Variants in SLC6A20 observed in about 807,000 individuals in gnomAD.
The protein encoded by SLC6A20 is solute carrier family 6 member 20, also known as sodium- and chloride-dependent transporter XTRP3.
A neutral mutation model predicts 64.3 loss-of-function variants in SLC6A20; 73 were observed. The ratio of observed to expected loss-of-function variants is 1.14; its 90% CI spans 0.94 to 1.38. The LOEUF (loss-of-function observed/expected upper bound fraction) is 1.38. Ranked by LOEUF, SLC6A20 falls within the 40% of genes most tolerant of loss-of-function variation. The pLI, the probability that SLC6A20 is intolerant of heterozygous loss-of-function variation, is 0.00. For missense variants in SLC6A20, 725 were observed against 772.8 expected, an observed-to-expected ratio of 0.94 and a Z score of 0.73; for synonymous variants, 347 against 329.6, an observed-to-expected ratio of 1.05 and a Z score of -0.57.
At chr3:45,767,100 G>C (rs180824450) in intron 7 of SLC6A20, among the ~76,000 whole-genome samples, 2 of 152,322 alleles carry the variant, frequency 1.3e-5, no homozygotes, top group Admixed American at 1.3e-4. Flanking sequence ...TTGCTCAGGG[G>C]CATACTGAAA....
chr3:45,782,255 C>A (rs191111675), intron 1 of SLC6A20, 32 bp from the exon 2 acceptor site: 4 of 1,594,082 alleles, frequency 2.5e-6, no homozygotes, highest in Admixed American at 1.7e-5. Flanking sequence ...AGCCAGGCCA[C>A]CACCAAAAGG....
chr3:45,780,210 G>C, intron 2 of SLC6A20, 110 bp from the exon 3 acceptor site: 1 of 930,860 alleles, frequency 1.1e-6, no homozygotes, highest in Non-Finnish European at 1.6e-6. Context: ...CGGGGTGGGC[G>C]AGGCCTCCCT....
rs150976337 is a variant in SLC6A20 at position 45,792,211 on chromosome 3, G to A, written c.121+4088C>T. 4.2e-3 allele frequency among the ~76,000 whole-genome samples: 642 copies of A among 152,248 alleles called. 5 individuals carry two copies. The highest frequency in any genetic ancestry group is 0.014 in the African/African-American group (587 of 41,540). On this transcript the variant is annotated intron_variant, in intron 1 of 10. Coordinates refer to ENST00000358525, the MANE Select transcript of SLC6A20 (RefSeq NM_020208.4). ...ACAGGAAGAAGTACCCTGAGCCACG[G>A]CAATTCTTATTTGGGGGTCCTAGAA...
chr3:45,766,004 C>T (rs140154258), intron 7 of SLC6A20, among the ~76,000 whole-genome samples: 6 of 152,328 alleles, frequency 3.9e-5, no homozygotes, highest in South Asian at 4.1e-4. Context: ...CCCCAACTTA[C>T]GTACATTCTG....
intron 3 of SLC6A20, among the ~76,000 whole-genome samples, chr3:45,776,286 A>G (rs1391085496): frequency 6.6e-6 from 1 of 152,052 alleles, no homozygotes; most frequent in Non-Finnish European, 1.5e-5. Context: ...CAAATGGACC[A>G]CAGCCAGGCC....
chr3:45,767,139 G>A (rs1699791009), intron 7 of SLC6A20, among the ~76,000 whole-genome samples: 1 of 152,140 alleles, frequency 6.6e-6, no homozygotes, highest in Non-Finnish European at 1.5e-5. Flanking sequence ...TGACAACAAG[G>A]GAGTGATCAC....
In SLC6A20 at chr3:45,758,745, T is replaced by G; in HGVS notation, c.*233A>C. ...CAGTTATCTTTGAGACCGGCTTTCA[T>G]AGCCCACCCCCTTCCATGATGAGGA... is the stretch of plus-strand genomic sequence containing the variant. On this transcript the variant is annotated 3_prime_UTR_variant, in exon 11 of 11. Coordinates refer to ENST00000358525, the MANE Select transcript of SLC6A20 (RefSeq NM_020208.4). 7.7e-7 allele frequency: 1 copy of G among 1,301,652 alleles called. No individual in the cohort carries two copies. Among genetic ancestry groups the G allele is most frequent in the South Asian group, 2.4e-5 (1 of 41,022 alleles). 80.6% of individuals were successfully genotyped at this position (1,301,652 alleles called of 1,614,324 possible).
In SLC6A20 at chr3:45,758,824, G is replaced by C; in HGVS notation, c.*154C>G. The stretch of plus-strand genomic sequence containing the variant: ...CGGGAGGGTGTGCGTTCTCCCAAGG[G>C]AGTTTTCTTCCTGCACACCTTCCTC... On this transcript the variant is annotated 3_prime_UTR_variant, in exon 11 of 11. Coordinates refer to ENST00000358525, the MANE Select transcript of SLC6A20 (RefSeq NM_020208.4). The C allele has an allele frequency of 1.5e-6, 2 of 1,367,232 alleles. No individual in the cohort carries two copies. Among genetic ancestry groups the C allele is most frequent in the Non-Finnish European group, 1.9e-6 (2 of 1,057,622 alleles). The allele number at this position is 1,367,232 out of a possible 1,614,324, so 84.7% of individuals were successfully genotyped here.
In SLC6A20 at chr3:45,762,999, T is replaced by A; in HGVS notation, c.1377A>T (p.Ile459=). The A allele has an allele frequency of 3.1e-6, 5 of 1,614,116 alleles. No homozygotes were observed. The highest frequency in any genetic ancestry group is 4.2e-6 in the Non-Finnish European group (5 of 1,180,018). Residue 459 remains isoleucine, a synonymous_variant, in exon 9 of 11, where the codon ATA becomes ATT. Coordinates refer to ENST00000358525, the MANE Select transcript of SLC6A20 (RefSeq NM_020208.4). ...TMEAGNYWFD[I]FNDYAATLSL... ...ACAGTGTGGCCGCGTAGTCGTTGAA[T>A]ATGTCAAACCAGTAGTTCCCAGCCT...
Position 45,756,383 on chromosome 3 carries a change from A to C in SLC6A20, c.*2595T>G, listed in dbSNP as rs956341306. On this transcript the variant is annotated 3_prime_UTR_variant, in exon 11 of 11. Coordinates refer to ENST00000358525, the MANE Select transcript of SLC6A20 (RefSeq NM_020208.4). ...TGCCGGCTCTTCAAGCCTTGACAGC[A>C]GGTTTTTTGACATAAAAGAACCTTC... 1.3e-5 allele frequency: 2 copies of C among 152,166 alleles called. No individual in the cohort carries two copies. Among genetic ancestry groups the C allele is most frequent in the Non-Finnish European group, 2.9e-5 (2 of 68,052 alleles). The allele number at this position is 152,166 out of a possible 1,614,324, so 9.4% of individuals were successfully genotyped here.
intron 7 of SLC6A20, among the ~76,000 whole-genome samples, chr3:45,768,027 A>C (rs1699803124): frequency 6.6e-6 from 1 of 152,228 alleles, no homozygotes; most frequent in South Asian, 2.1e-4. Flanking sequence ...GGATGCAAGA[A>C]AGAATGGTGA....
chr3:45,794,694 T>C (rs1700318329), intron 1 of SLC6A20, among the ~76,000 whole-genome samples: 1 of 152,300 alleles, frequency 6.6e-6, no homozygotes, highest in South Asian at 2.1e-4. Context: ...TAAGTAGTCA[T>C]GTGACAGTGA....
At chr3:45,764,031 G>A (rs1386199580) in intron 8 of SLC6A20, among the ~76,000 whole-genome samples, 3 of 152,204 alleles carry the variant, frequency 2.0e-5, no homozygotes, top group East Asian at 3.8e-4. Flanking sequence ...TGGAGTGGTC[G>A]GGGCTTGAAG....
In SLC6A20 at chr3:45,765,607, T is replaced by G; in HGVS notation, c.1233A>C (p.Thr411=). ...MLGIGSMLGN[T]AAILTPLTDS... is the part of the protein sequence containing the mutation. ...CTGTCAGAGGGGTGAGGATGGCCGC[T>G]GTGTTCCCCAGCATGCTCCCAATGC... is the stretch of plus-strand genomic sequence containing the variant. Residue 411 remains threonine, a synonymous_variant, in exon 8 of 11, where the codon ACA becomes ACC. Transcript: ENST00000358525. This position sits in a 1 kb window ranked among gnomAD's most constrained non-coding sequence, Gnocchi z 4.2. The G allele has an allele frequency of 6.2e-7, 1 of 1,614,142 alleles. No homozygotes were observed. Among genetic ancestry groups the G allele is most frequent in the Non-Finnish European group, 8.5e-7 (1 of 1,180,020 alleles).
In SLC6A20 at chr3:45,781,403, G is replaced by C. The variant is rs969942920; in HGVS notation, c.262+680C>G. On this transcript the variant is annotated intron_variant, in intron 2 of 10. Coordinates refer to ENST00000358525, the MANE Select transcript of SLC6A20 (RefSeq NM_020208.4). ...CCTGCCTTCCTTTCTGGGGTGGGAG[G>C]GGTGAGCATCACAGGCTATGGCTAC... 2.0e-5 allele frequency among the ~76,000 whole-genome samples: 3 copies of C among 152,282 alleles called. No individual in the cohort carries two copies. The East Asian group carries it at 5.8e-4, about 29-fold the overall frequency.
intron 1 of SLC6A20, among the ~76,000 whole-genome samples, chr3:45,795,904 T>C (rs1700336960): frequency 6.6e-6 from 1 of 152,234 alleles, no homozygotes; most frequent in Admixed American, 6.5e-5. Flanking sequence ...AACGAGTTTC[T>C]GTTGAATAAG....
At chr3:45,767,661 AT>A (rs1337956422) in intron 7 of SLC6A20, among the ~76,000 whole-genome samples, 3 of 152,210 alleles carry the variant, frequency 2.0e-5, no homozygotes, top group Admixed American at 6.5e-5. Flanking sequence ...TCCAAAACTG[AT>A]AAGAAACATT....
At chr3:45,781,220 CAA>C (rs34987516) in intron 2 of SLC6A20, among the ~76,000 whole-genome samples, 4 of 129,474 alleles carry the variant, frequency 3.1e-5, no homozygotes, top group Non-Finnish European at 3.4e-5. Context: ...AACTCCGCCT[CAA>C]AAAAAAAAAA....
chr3:45,772,489 C>A lies in SLC6A20; in HGVS notation c.693+16G>T. 2 of 1,604,148 alleles carry A rather than the reference C, an allele frequency of 1.2e-6. No individual in the cohort carries two copies. Among genetic ancestry groups the A allele is most frequent in the Non-Finnish European group, 1.7e-6 (2 of 1,175,490 alleles). On this transcript the variant is annotated intron_variant, in intron 5 of 10. Coordinates refer to ENST00000358525, the MANE Select transcript of SLC6A20 (RefSeq NM_020208.4). ...AGTGAGGGGTGCCCGTAGGGCCCTTCCGCTTCAGCCCGTACCTTGGGAGTG... is the reference window on the plus strand; with the variant it reads ...AGTGAGGGGTGCCCGTAGGGCCCTTACGCTTCAGCCCGTACCTTGGGAGTG...
Sources: gnomAD v4.1 joint callset for allele counts (sites outside exome capture counted in the v4.1 genomes callset) on GRCh38, gnomAD v4.1.1 for gene constraint, Gnocchi (gnomAD v3.1) non-coding constraint, MANE v1.5 for transcripts, NCBI Gene and HGNC (gene_info 2026-07-23, HGNC 2026-07-21) for gene names.